The following ASTN1 variants were observed in gnomAD, a reference collection of about 807,000 sequenced individuals.
ASTN1 encodes the protein astrotactin-1.
ASTN1 carries 41 observed loss-of-function variants against 140.7 expected under a neutral mutation model. That is an observed-to-expected ratio of 0.29 (90% CI 0.23 to 0.38). The LOEUF is 0.38. Ranked by LOEUF, ASTN1 falls within the 10% of genes least tolerant of loss-of-function variation. The probability of loss-of-function intolerance (pLI) is 1.00; values close to 1 mark genes in which losing one functional copy is unlikely to be tolerated. For missense variants in ASTN1, 1,479 were observed against 1,678.8 expected, an observed-to-expected ratio of 0.88 and a Z score of 2.08; for synonymous variants, 640 against 652.2, an observed-to-expected ratio of 0.98 and a Z score of 0.29.
chr1:176,928,554 G>T (rs1671070032), intron 16 of ASTN1, among the ~76,000 whole-genome samples: 1 of 152,166 alleles, frequency 6.6e-6, no homozygotes, highest in Admixed American at 6.5e-5. Flanking sequence ...GAGGCTTGGT[G>T]GGAGTGATGT....
At chr1:177,144,315 C>T (rs185968328) in intron 1 of ASTN1, among the ~76,000 whole-genome samples, 6 of 150,640 alleles carry the variant, frequency 4.0e-5, no homozygotes, top group Non-Finnish European at 7.4e-5. Flanking sequence ...TGCAGTGGCG[C>T]GATCTCGGCT....
chr1:177,017,664 C>A (rs1443078820), intron 7 of ASTN1, among the ~76,000 whole-genome samples: 1 of 152,166 alleles, frequency 6.6e-6, no homozygotes, highest in Non-Finnish European at 1.5e-5. Flanking sequence ...AACGGAGAGA[C>A]GTGTCATGGT....
intron 2 of ASTN1, among the ~76,000 whole-genome samples, chr1:177,035,531 G>C (rs983480733): frequency 6.6e-5 from 10 of 152,244 alleles, no homozygotes; most frequent in Non-Finnish European, 1.3e-4. Context: ...TCCAAGATTA[G>C]TTGGTAGTAA....
chr1:176,927,548 T>C (rs932020701), intron 16 of ASTN1, among the ~76,000 whole-genome samples: 3 of 152,236 alleles, frequency 2.0e-5, no homozygotes, highest in South Asian at 2.1e-4. Context: ...GTTTCCTTTT[T>C]TCTTGGTTAT....
At chr1:176,940,096 A>G (rs190439600) in intron 14 of ASTN1, among the ~76,000 whole-genome samples, 13 of 152,284 alleles carry the variant, frequency 8.5e-5, no homozygotes, top group Non-Finnish European at 1.9e-4. Flanking sequence ...CAGGCCTATG[A>G]ATGCAGCCAG....
At chr1:177,024,461 A>T in intron 6 of ASTN1, 122 bp downstream of exon 6, 1 of 1,243,180 alleles carries the variant, frequency 8.0e-7, no homozygotes. Context: ...TACTTATTTC[A>T]GTTTGGTTTT....
At chr1:176,993,252 C>G (rs1298386193) in intron 8 of ASTN1, among the ~76,000 whole-genome samples, 1 of 152,216 alleles carries the variant, frequency 6.6e-6, no homozygotes, top group Non-Finnish European at 1.5e-5. Context: ...ATCACAAACA[C>G]AAAGCCAGAG....
chr1:177,040,441 C>T (rs1676921716), intron 2 of ASTN1, among the ~76,000 whole-genome samples: 1 of 152,206 alleles, frequency 6.6e-6, no homozygotes, highest in Non-Finnish European at 1.5e-5. Context: ...TCAGCATCCC[C>T]TTCCCCCATG....
rs76058211 is a variant in ASTN1 at position 176,965,967 on chromosome 1, A to G, written c.1524-730T>C. Among the ~76,000 whole-genome samples, 462 of 152,318 alleles carry G rather than the reference A, an allele frequency of 3.0e-3. 3 individuals carry two copies. The highest frequency in any genetic ancestry group is 0.011 in the African/African-American group (437 of 41,570). The stretch of plus-strand genomic sequence containing the variant: ...ACATCTAGGTATTGTCACATGTATT[A>G]GAAAGTAACAAGACTATTTCTTTTA... On this transcript the variant is annotated intron_variant, in intron 8 of 22. Coordinates refer to ENST00000361833, the MANE Select transcript of ASTN1 (RefSeq NM_004319.3).
chr1:177,126,395 G>A (rs770459817), intron 1 of ASTN1, among the ~76,000 whole-genome samples: 4 of 152,138 alleles, frequency 2.6e-5, no homozygotes, highest in Non-Finnish European at 5.9e-5. Flanking sequence ...TGTACCCCTT[G>A]TGTCTTAGCA....
At chr1:177,145,220 C>T (rs913942801) in intron 1 of ASTN1, among the ~76,000 whole-genome samples, 1 of 152,142 alleles carries the variant, frequency 6.6e-6, no homozygotes, top group Non-Finnish European at 1.5e-5. Flanking sequence ...TAAAGTAGCT[C>T]ATACTTTTCC....
intron 1 of ASTN1, among the ~76,000 whole-genome samples, chr1:177,077,717 G>A (rs573993416): frequency 7.2e-5 from 11 of 152,252 alleles, no homozygotes; most frequent in Middle Eastern, 3.4e-3. Context: ...CCAGTGCCTC[G>A]GATGTGTCAA....
chr1:177,014,158 A>G (rs1223617263), intron 8 of ASTN1, among the ~76,000 whole-genome samples: 2 of 152,220 alleles, frequency 1.3e-5, no homozygotes, highest in African/African-American at 2.4e-5. Context: ...GACACATTGT[A>G]TGTTATATAT....
In ASTN1 at chr1:176,946,009, C is replaced by A. The variant is rs1340211332; in HGVS notation, c.2166G>T (p.Gln722His). ...CAAAGAACATCTCCCCAAAGAGGGT[C>A]TGGTTCATGGGAAGCTCCCTGCTTT... ...CGESRELPMN[Q>H]TLFGEMFFGY... The change falls in exon 13 of 23, where the codon CAG (glutamine) becomes CAT (histidine). Residue 722 changes from glutamine to histidine, a missense_variant. By Grantham distance (24) the Gln-to-His change is conservative. Transcript: ENST00000361833. The A allele has an allele frequency of 6.2e-7, 1 of 1,614,168 alleles. No individual in the cohort carries two copies. Among genetic ancestry groups the A allele is most frequent in the South Asian group, 1.1e-5 (1 of 91,076 alleles).
At chr1:176,857,458 TATCAGATTAGCAAC>T (rs1404616535), downstream of ASTN1, 6 of 407,980 alleles carry the variant, frequency 1.5e-5, no homozygotes, top group Admixed American at 4.4e-5. Flanking sequence ...AGGAGCAACC[TATCAGATTAGCAAC>T]ATCAGGGCGC....
At chr1:177,008,213 T>C (rs559145260) in intron 8 of ASTN1, among the ~76,000 whole-genome samples, 1 of 152,150 alleles carries the variant, frequency 6.6e-6, no homozygotes, top group African/African-American at 2.4e-5. Context: ...TAAGGGACAA[T>C]GTTTCTGCTA....
chr1:177,153,871 T>C (rs1683139223), intron 1 of ASTN1, among the ~76,000 whole-genome samples: 1 of 152,004 alleles, frequency 6.6e-6, no homozygotes. Flanking sequence ...GGAATAACAA[T>C]TAGATGTCAC....
At position 177,057,861 on chromosome 1, in the gene ASTN1, C is replaced by A. The variant is rs190803371; in HGVS notation, c.471+3217G>T. 3.0e-3 allele frequency among the ~76,000 whole-genome samples: 461 copies of A among 152,240 alleles called. 2 individuals carry two copies. Among genetic ancestry groups the A allele is most frequent in the African/African-American group, 0.011 (441 of 41,542 alleles). ...TTCTGGCTTTTGTAATGCTGTCATC[C>A]AGATGCCTCAAATAGCTGCCTACCT... is the stretch of plus-strand genomic sequence containing the variant. On this transcript the variant is annotated intron_variant, in intron 2 of 22. Transcript: ENST00000361833.
Position 177,032,688 on chromosome 1 carries a change from C to T in ASTN1, c.633G>A (p.Gly211=). ...CATTGCGCAGGCTCTCCCGTCCGTGCCCGCCGATCAGCACAGAAGGAATGT... is the reference window on the plus strand; with the variant it reads ...CATTGCGCAGGCTCTCCCGTCCGTGTCCGCCGATCAGCACAGAAGGAATGT... The part of the protein sequence containing the change: ...IHYIPSVLIG[G]HGRESLRNAR... Residue 211 remains glycine (G), a synonymous_variant, in exon 3 of 23, where the codon GGG becomes GGA. Transcript: ENST00000361833. 1 of 1,614,088 alleles carries T rather than the reference C, an allele frequency of 6.2e-7. No homozygotes were observed. The highest frequency in any genetic ancestry group is 1.6e-4 in the Middle Eastern group (1 of 6,062).
Sources: gnomAD v4.1 joint callset for allele counts (sites outside exome capture counted in the v4.1 genomes callset) on GRCh38, gnomAD v4.1.1 for gene constraint, MANE v1.5 for transcripts, NCBI Gene and HGNC (gene_info 2026-07-23, HGNC 2026-07-21) for gene names.